The following PKD1L3 variants were observed in gnomAD, a reference collection of about 807,000 sequenced individuals.
PKD1L3 encodes the protein polycystin 1 like 3, transient receptor potential channel interacting, also known as polycystin-1-like protein 3.
In PKD1L3, 239 loss-of-function variants were observed where a neutral mutation model predicts 184.1. The observed-to-expected ratio is 1.30, with a 90% CI of 1.17 to 1.45. PKD1L3 has a LOEUF of 1.45. Ranked by LOEUF, PKD1L3 falls within the 40% of genes most tolerant of loss-of-function variation. The pLI, the probability that PKD1L3 is intolerant of heterozygous loss-of-function variation, is 0.00. For synonymous variants in PKD1L3, 996 were observed against 778.8 expected (o/e 1.28, Z -4.64); for missense variants, 2,660 against 2,067.2 (o/e 1.29, Z -5.56).
chr16:71,960,296 T>C (rs536138893), intron 16 of PKD1L3, among the ~76,000 whole-genome samples: 56 of 152,282 alleles, frequency 3.7e-4, no homozygotes, highest in Non-Finnish European at 6.8e-4. Flanking sequence ...AATGGATTGG[T>C]AATCATGGTT....
chr16:71,959,007 G>A (rs1258086795), intron 16 of PKD1L3, among the ~76,000 whole-genome samples: 2 of 149,742 alleles, frequency 1.3e-5, no homozygotes, highest in Non-Finnish European at 3.0e-5. Flanking sequence ...TTGCTTGAAC[G>A]TGGGAGGCAG....
chr16:71,954,431 A>G, intron 16 of PKD1L3, 130 bp from the exon 17 acceptor site: 3 of 568,526 alleles, frequency 5.3e-6, no homozygotes, highest in Non-Finnish European at 5.9e-6. Context: ...TCTGTGAATA[A>G]GCTTTCAGAT....
chr16:71,978,922 G>C (rs2040041082), intron 9 of PKD1L3, among the ~76,000 whole-genome samples: 1 of 152,044 alleles, frequency 6.6e-6, no homozygotes, highest in Non-Finnish European at 1.5e-5. Context: ...ACCTCTATGA[G>C]AAACAGTAAA....
At chr16:71,983,659 CTTTCTTTTTT>C (rs1043106423) in intron 6 of PKD1L3, among the ~76,000 whole-genome samples, 5 of 92,396 alleles carry the variant, frequency 5.4e-5, no homozygotes, top group African/African-American at 1.2e-4. Context: ...TCCAGATTCT[CTTTCTTTTTT>C]TTTTTTTTTT....
chr16:71,971,289 T>C (rs1388870452), intron 12 of PKD1L3, among the ~76,000 whole-genome samples: 1 of 152,358 alleles, frequency 6.6e-6, no homozygotes, highest in East Asian at 1.9e-4. Flanking sequence ...TATTATTCTT[T>C]ATGGCTTTCC....
Position 71,952,999 on chromosome 16 carries a change from G to A in PKD1L3, c.2904C>T (p.Phe968=). Residue 968 remains phenylalanine, a synonymous_variant, in exon 18 of 30, where the codon TTC becomes TTT. Transcript: ENST00000620267. The part of the protein sequence containing the change: ...FPINLVIGRL[F]PLIEPQETLP... ...GAGTCTCCTGTGGCTCAATCAACGGGAAGAGCCGCCCTATGACAAGATTGA... is the reference window on the plus strand; with the variant it reads ...GAGTCTCCTGTGGCTCAATCAACGGAAAGAGCCGCCCTATGACAAGATTGA... The A allele has an allele frequency of 6.5e-7, 1 of 1,549,484 alleles. No homozygotes were observed. Among genetic ancestry groups the A allele is most frequent in the Admixed American group, 2.0e-5 (1 of 50,684 alleles).
Position 71,973,459 on chromosome 16 carries a change from G to T in PKD1L3, c.1818C>A (p.Tyr606Ter). The T allele has an allele frequency of 6.4e-7, 1 of 1,551,842 alleles. No homozygotes were observed. Among genetic ancestry groups the T allele is most frequent in the Non-Finnish European group, 8.7e-7 (1 of 1,147,036 alleles). Reference protein sequence around the residue: ...PEHLQHGIGTYYITAVLSERQ... With the variant: ...PEHLQHGIGT Reference sequence around the variant, plus strand: ...TCTCACTCAGCACAGCTGTTATATAGTAGGTGCCAATCCCGTGCTGCAGAT... The same window carrying T: ...TCTCACTCAGCACAGCTGTTATATATTAGGTGCCAATCCCGTGCTGCAGAT... The change falls in exon 12 of 30, where the codon TAC becomes TAA. Residue 606 changes from tyrosine (Y) to a stop codon, truncating the protein, a stop_gained. Coordinates refer to ENST00000620267, the MANE Select transcript of PKD1L3 (RefSeq NM_181536.2). LOFTEE classifies it high-confidence loss of function.
At chr16:71,943,900 A>C (rs2038458423) in intron 23 of PKD1L3, 130 bp downstream of exon 23, 14 of 1,159,598 alleles carry the variant, frequency 1.2e-5, no homozygotes, top group Non-Finnish European at 1.6e-5. Flanking sequence ...TGGAATCCCA[A>C]ATCTCACAGG....
chr16:71,953,668 A>C (rs2143408990), intron 17 of PKD1L3, among the ~76,000 whole-genome samples: 1 of 152,156 alleles, frequency 6.6e-6, no homozygotes, highest in African/African-American at 2.4e-5. Flanking sequence ...ATCTCGGCTC[A>C]CTGCAACCTC....
chr16:71,991,639 G>A (rs2040595006), intron 3 of PKD1L3, among the ~76,000 whole-genome samples: 2 of 152,154 alleles, frequency 1.3e-5, no homozygotes. Flanking sequence ...AGGGTAGGAA[G>A]CAGCAATATG....
At chr16:71,977,069 C>T (rs998355485) in intron 11 of PKD1L3, among the ~76,000 whole-genome samples, 167 bp downstream of exon 11, 6 of 152,134 alleles carry the variant, frequency 3.9e-5, no homozygotes, top group Admixed American at 6.6e-5. Flanking sequence ...AGAAATTAGC[C>T]AGATGTGGTG....
chr16:71,935,600 T>G, intron 25 of PKD1L3, 82 bp from the exon 26 acceptor site: 1 of 1,326,008 alleles, frequency 7.5e-7, no homozygotes, highest in Admixed American at 2.3e-5. Flanking sequence ...TGAACGCAGC[T>G]GATGTCTGTG....
intron 2 of PKD1L3, among the ~76,000 whole-genome samples, chr16:71,997,752 A>AAAATAAATAAATAAAT (rs58522217): frequency 5.9e-4 from 86 of 145,728 alleles, no homozygotes; most frequent in East Asian, 2.0e-3. Flanking sequence ...CAGTCTTGGA[A>AAAATAAATAAATAAAT]AAATAAATAA....
chr16:71,966,485 T>C (rs956235603), intron 15 of PKD1L3, among the ~76,000 whole-genome samples: 1 of 150,928 alleles, frequency 6.6e-6, no homozygotes, highest in Non-Finnish European at 1.5e-5. Flanking sequence ...TGGTGTGCAG[T>C]GGTGCAGACA....
At chr16:71,997,746 C>T (rs548370981) in intron 2 of PKD1L3, among the ~76,000 whole-genome samples, 3 of 94,578 alleles carry the variant, frequency 3.2e-5, no homozygotes, top group Non-Finnish European at 6.2e-5. Flanking sequence ...AAAACTCAGT[C>T]TTGGAAAAAT....
At chr16:71,966,067 G>C (rs933997175) in intron 15 of PKD1L3, among the ~76,000 whole-genome samples, 1 of 152,022 alleles carries the variant, frequency 6.6e-6, no homozygotes, top group Non-Finnish European at 1.5e-5. Flanking sequence ...TACCAGCCCA[G>C]TGGCTGGTAT....
chr16:71,984,812 T>C (rs1326659159), intron 5 of PKD1L3, among the ~76,000 whole-genome samples: 2 of 152,152 alleles, frequency 1.3e-5, no homozygotes, highest in Middle Eastern at 3.2e-3. Context: ...TGAGCCGAGA[T>C]TGCGCCACTG....
intron 16 of PKD1L3, among the ~76,000 whole-genome samples, chr16:71,956,184 A>ATTTTTTTTTTTTTTTTTTTTTTTTTTT: frequency 1.2e-5 from 1 of 82,758 alleles, no homozygotes; most frequent in Non-Finnish European, 2.1e-5. Flanking sequence ...AAAGGAAGGA[A>ATTTTTTTTTTTTTTTTTTTTTTTTTTT]TTTTTTTTTT....
At chr16:71,956,683 G>A (rs1295227229) in intron 16 of PKD1L3, among the ~76,000 whole-genome samples, 3 of 152,196 alleles carry the variant, frequency 2.0e-5, no homozygotes, top group Non-Finnish European at 2.9e-5. Flanking sequence ...GGAACAGGAA[G>A]TTGTTCAATG....
Sources: gnomAD v4.1 joint callset for allele counts (sites outside exome capture counted in the v4.1 genomes callset) on GRCh38, gnomAD v4.1.1 for gene constraint, MANE v1.5 for transcripts, NCBI Gene and HGNC (gene_info 2026-07-23, HGNC 2026-07-21) for gene names.